The following CUL5 variants were observed in gnomAD, a reference collection of about 807,000 sequenced individuals.
CUL5 encodes cullin-5.
Under a neutral mutation model 108.8 loss-of-function variants are expected in CUL5, and 26 were observed. That is an observed-to-expected ratio of 0.24 (90% CI 0.18 to 0.33). The LOEUF (loss-of-function observed/expected upper bound fraction) is 0.33, where lower values mean the gene tolerates loss of function less well. Among genes scored for constraint, CUL5 ranks in the 10% least tolerant of loss-of-function variants. The pLI is 1.00. For synonymous variants in CUL5, 334 were observed against 298.0 expected, an observed-to-expected ratio of 1.12 and a Z score of -1.25; for missense variants, 524 against 909.2, an observed-to-expected ratio of 0.58 and a Z score of 5.45.
chr11:108,098,512 C>A lies in CUL5; in HGVS notation c.2131C>A (p.Arg711=). The A allele has an allele frequency of 1.9e-6, 3 of 1,563,620 alleles. No individual in the cohort carries two copies. Among genetic ancestry groups the A allele is most frequent in the Non-Finnish European group, 2.6e-6 (3 of 1,156,934 alleles). Residue 711 remains arginine, a synonymous_variant, in exon 18 of 19, where the codon CGA becomes AGA. Coordinates refer to ENST00000393094, the MANE Select transcript of CUL5 (RefSeq NM_003478.6). The part of the protein sequence containing the change: ...EEENEGIVQL[R]ILRTQEAIIQ... ...AGAGAATGAAGGAATAGTTCAACTACGAATACTAAGAACCCAGGTTTGTAA... is the reference window on the plus strand; with the variant it reads ...AGAGAATGAAGGAATAGTTCAACTAAGAATACTAAGAACCCAGGTTTGTAA...
intron 2 of CUL5, among the ~76,000 whole-genome samples, chr11:108,037,523 A>G (rs1026124468): frequency 2.6e-5 from 4 of 152,210 alleles, no homozygotes; most frequent in Admixed American, 1.3e-4. Flanking sequence ...CAAAGGGAAA[A>G]AGTGTGTGTG....
At chr11:108,073,327 T>G in intron 9 of CUL5, 63 bp from the exon 10 acceptor site, 1 of 730,418 alleles carries the variant, frequency 1.4e-6, no homozygotes, top group South Asian at 2.0e-5. Context: ...TATGTTTATT[T>G]TCTCATTTTT....
chr11:108,055,856 C>T lies in CUL5; in HGVS notation c.780+901C>T, dbSNP rs954971064. ...TTGCTGCCCAGGCTGATCTTGAACG[C>T]CTAAGCTCAGGTGATCCACCTGCCT... On this transcript the variant is annotated intron_variant, in intron 7 of 18. Coordinates refer to ENST00000393094, the MANE Select transcript of CUL5 (RefSeq NM_003478.6). Among the ~76,000 whole-genome samples, 11 of 152,290 alleles carry T rather than the reference C, an allele frequency of 7.2e-5. No homozygotes were observed. In the South Asian group the frequency reaches 1.9e-3, roughly 26 times the overall value.
At position 108,009,292 on chromosome 11, in the gene CUL5, C is replaced by T. The variant is rs547499710; in HGVS notation, c.-57C>T. ...GGGAGCTCCGGCCTCCGGTCAAGGC[C>T]TGGCCGGGAGCGCCACGAATTCTCG... On this transcript the variant is annotated 5_prime_UTR_variant, in exon 1 of 19. Transcript: ENST00000393094. The T allele has an allele frequency of 4.1e-5, 65 of 1,603,054 alleles. 1 individual carries two copies. The highest frequency in any genetic ancestry group is 3.9e-4 in the South Asian group (35 of 90,244).
chr11:108,102,934 C>T (rs1864707150), intron 18 of CUL5, among the ~76,000 whole-genome samples: 1 of 151,552 alleles, frequency 6.6e-6, no homozygotes, highest in Non-Finnish European at 1.5e-5. Flanking sequence ...TAGCGGGGAC[C>T]ACAGACACAC....
At chr11:108,059,857 C>G (rs1294216270) in intron 7 of CUL5, among the ~76,000 whole-genome samples, 1 of 150,488 alleles carries the variant, frequency 6.6e-6, no homozygotes, top group Non-Finnish European at 1.5e-5. Flanking sequence ...GCGCTCCAGC[C>G]TGGGTGACAG....
chr11:108,072,293 TAAATG>T (rs755373639), intron 8 of CUL5, 34 bp from the exon 9 acceptor site: 4 of 1,506,466 alleles, frequency 2.7e-6, no homozygotes, highest in Non-Finnish European at 3.6e-6. Context: ...CTTACTCTAG[TAAATG>T]AAATGATTAC....
intron 1 of CUL5, among the ~76,000 whole-genome samples, chr11:108,012,056 G>C (rs1437222020): frequency 6.6e-6 from 1 of 152,204 alleles, no homozygotes; most frequent in African/African-American, 2.4e-5. Flanking sequence ...GACATATACA[G>C]TTAACTGCTT....
intron 18 of CUL5, among the ~76,000 whole-genome samples, chr11:108,101,427 T>A (rs991135433): frequency 6.6e-6 from 1 of 152,258 alleles, no homozygotes; most frequent in African/African-American, 2.4e-5. Context: ...GGTTCATTCT[T>A]TTTCTAGTTG....
chr11:108,050,199 G>T (rs1201582552), intron 4 of CUL5, 133 bp downstream of exon 4: 1 of 619,686 alleles, frequency 1.6e-6, no homozygotes, highest in Non-Finnish European at 2.7e-6. Flanking sequence ...CTCTTAACTA[G>T]ATTTTATTGA....
At chr11:108,092,326 C>T (rs1358641968) in intron 13 of CUL5, among the ~76,000 whole-genome samples, 1 of 152,144 alleles carries the variant, frequency 6.6e-6, no homozygotes, top group Non-Finnish European at 1.5e-5. Flanking sequence ...GAACGTAGAG[C>T]TGACCCAGCA....
At chr11:108,099,111 C>T (rs1290582202) in intron 18 of CUL5, among the ~76,000 whole-genome samples, 1 of 149,956 alleles carries the variant, frequency 6.7e-6, no homozygotes, top group Non-Finnish European at 1.5e-5. Flanking sequence ...CTCAAAGGAT[C>T]CTCCCACCTC....
At chr11:108,041,774 T>C (rs1194267783) in intron 2 of CUL5, among the ~76,000 whole-genome samples, 1 of 152,008 alleles carries the variant, frequency 6.6e-6, no homozygotes. Context: ...GTATTTTTAG[T>C]GGAGATGGGG....
In CUL5 at chr11:108,052,821, GA is replaced by G. The variant is rs768493085; in HGVS notation, c.553+21del. On this transcript the variant is annotated intron_variant, in intron 5 of 18. Transcript: ENST00000393094. ...CCTATGGTATGTTCTGAACTTTTAT[GA>G]TCATAATTTCTGTTTCATGGAAATT... is the stretch of plus-strand genomic sequence containing the variant. 1.4e-5 allele frequency: 22 copies of G among 1,582,934 alleles called. No homozygotes were observed. The African/African-American group carries it at 1.6e-4, about 12-fold the overall frequency.
chr11:108,087,523 G>A (rs186313165), intron 11 of CUL5, among the ~76,000 whole-genome samples: 1 of 152,272 alleles, frequency 6.6e-6, no homozygotes, highest in African/African-American at 2.4e-5. Context: ...GGGTGCAGTG[G>A]CATGCACCTG....
intron 16 of CUL5, among the ~76,000 whole-genome samples, chr11:108,096,755 G>A (rs1223069799): frequency 1.3e-5 from 2 of 151,630 alleles, no homozygotes; most frequent in Admixed American, 6.6e-5. Context: ...TAGTGGAGAC[G>A]GGGTTTCACC....
At position 108,024,036 on chromosome 11, in the gene CUL5, A is replaced by G. The variant is rs190491402; in HGVS notation, c.25-9766A>G. On this transcript the variant is annotated intron_variant, in intron 1 of 18. Transcript: ENST00000393094. The stretch of plus-strand genomic sequence containing the variant: ...AATTTTTATAATCATAGATCTTTGC[A>G]GTTTACTCTCTAAGCCTGATGAAAT... 2.0e-3 allele frequency among the ~76,000 whole-genome samples: 311 copies of G among 152,294 alleles called. 1 individual carries two copies. The highest frequency in any genetic ancestry group is 7.2e-3 in the African/African-American group (300 of 41,548).
At chr11:108,012,080 C>G (rs183487264) in intron 1 of CUL5, among the ~76,000 whole-genome samples, 1 of 152,190 alleles carries the variant, frequency 6.6e-6, no homozygotes, top group Admixed American at 6.5e-5. Flanking sequence ...GGTTTTGTAT[C>G]TCTGAAAACC....
At chr11:108,035,871 G>T (rs1428662863) in intron 2 of CUL5, among the ~76,000 whole-genome samples, 5 of 152,164 alleles carry the variant, frequency 3.3e-5, no homozygotes, top group African/African-American at 1.2e-4. Flanking sequence ...TTTCAGCCTA[G>T]CCTCAGATCC....
Sources: gnomAD v4.1 joint callset for allele counts (sites outside exome capture counted in the v4.1 genomes callset) on GRCh38, gnomAD v4.1.1 for gene constraint, MANE v1.5 for transcripts, NCBI Gene and HGNC (gene_info 2026-07-23, HGNC 2026-07-21) for gene names.